The following PISD variants were observed in gnomAD, a reference collection of about 807,000 sequenced individuals.
PISD encodes the protein phosphatidylserine decarboxylase proenzyme, mitochondrial.
A neutral mutation model predicts 43.5 loss-of-function variants in PISD; 31 were observed. The ratio of observed to expected loss-of-function variants is 0.71; its 90% confidence interval spans 0.54 to 0.96. PISD has a LOEUF of 0.96. Among genes scored for constraint, PISD ranks in the 40% least tolerant of loss-of-function variants. The pLI, the probability that PISD is intolerant of heterozygous loss-of-function variation, is 0.00. For missense variants in PISD, 523 were observed against 548.4 expected (o/e 0.95, Z 0.46); for synonymous variants, 259 against 228.7 (o/e 1.13, Z -1.20).
intron 1 of PISD, among the ~76,000 whole-genome samples, chr22:31,661,715 C>G (rs905161362): frequency 6.6e-6 from 1 of 152,148 alleles, no homozygotes; most frequent in African/African-American, 2.4e-5. Context: ...ATTACCTAAC[C>G]TAACCCTCTA....
chr22:31,619,330 T>C lies in PISD; in HGVS notation c.*282A>G, dbSNP rs1050211890. On this transcript the variant is annotated 3_prime_UTR_variant, in exon 8 of 8. Transcript: ENST00000439502. The stretch of plus-strand genomic sequence containing the variant: ...AATGCAGGCTCTTCCGTCTATACAG[T>C]GTTTAAAAAGATCCAAATGTGACTG... 2 of 467,750 alleles carry C rather than the reference T, an allele frequency of 4.3e-6. No individual in the cohort carries two copies. The highest frequency in any genetic ancestry group is 2.0e-5 in the African/African-American group (1 of 50,922). The allele number at this position is 467,750 out of a possible 1,614,324, so 29.0% of individuals were successfully genotyped here.
chr22:31,642,636 T>C (rs888607266), intron 3 of PISD, among the ~76,000 whole-genome samples: 11 of 148,552 alleles, frequency 7.4e-5, no homozygotes, highest in African/African-American at 2.8e-4. Flanking sequence ...CTACTAAAAA[T>C]ACAAAAATTA....
chr22:31,622,341 T>C (rs2072631650), intron 3 of PISD, among the ~76,000 whole-genome samples: 1 of 152,192 alleles, frequency 6.6e-6, no homozygotes, highest in Admixed American at 6.5e-5. Flanking sequence ...CCCAAGTGCA[T>C]GGAACAAGTC....
chr22:31,621,924 GC>G, intron 3 of PISD, 39 bp from the exon 4 acceptor site: 1 of 1,475,644 alleles, frequency 6.8e-7, no homozygotes. Context: ...TGACCACACT[GC>G]CCCAGCTCCA....
rs1719520036 is a variant in PISD at position 31,618,572 on chromosome 22, A to G, written c.*1040T>C. ...CAGAAGTCTCCCACTTTTCATACAAAAATACTGTGCTACTGATACAGTTGA... is the reference window on the plus strand; with the variant it reads ...CAGAAGTCTCCCACTTTTCATACAAGAATACTGTGCTACTGATACAGTTGA... On this transcript the variant is annotated 3_prime_UTR_variant, in exon 8 of 8. Transcript: ENST00000439502. 2 of 740,738 alleles carry G rather than the reference A, an allele frequency of 2.7e-6. No individual in the cohort carries two copies. Among genetic ancestry groups the G allele is most frequent in the Non-Finnish European group, 4.0e-6 (2 of 499,976 alleles). The allele number at this position is 740,738 out of a possible 1,614,324, so 45.9% of individuals were successfully genotyped here.
intron 3 of PISD, among the ~76,000 whole-genome samples, chr22:31,634,710 C>T (rs769368857): frequency 2.0e-5 from 3 of 150,656 alleles, no homozygotes; most frequent in South Asian, 4.2e-4. Flanking sequence ...TGGTGGTGCA[C>T]GCCTGTAATC....
At chr22:31,645,911 T>C (rs1034312108) in intron 3 of PISD, among the ~76,000 whole-genome samples, 8 of 150,694 alleles carry the variant, frequency 5.3e-5, no homozygotes, top group African/African-American at 1.7e-4. Context: ...TAAATAAATT[T>C]TGTGTTCAGA....
At chr22:31,628,398 G>A (rs1390606229) in intron 3 of PISD, among the ~76,000 whole-genome samples, 3 of 152,242 alleles carry the variant, frequency 2.0e-5, no homozygotes, top group African/African-American at 4.8e-5. Context: ...GTGACACGAG[G>A]TGGGAGCCTC....
chr22:31,653,239 T>C (rs538638313), intron 1 of PISD, among the ~76,000 whole-genome samples: 2 of 152,122 alleles, frequency 1.3e-5, no homozygotes, highest in Non-Finnish European at 2.9e-5. Flanking sequence ...CTGAACAATG[T>C]TCATTTCTTA....
intron 3 of PISD, chr22:31,623,791 T>C (rs1312112134): frequency 6.2e-7 from 1 of 1,614,100 alleles, no homozygotes; most frequent in Non-Finnish European, 8.5e-7. Flanking sequence ...AGAGCGGGTC[T>C]GGACATGCAG....
Position 31,621,653 on chromosome 22 carries a change from C to A in PISD, c.554G>T (p.Ser185Ile). 6.2e-7 allele frequency: 1 copy of A among 1,612,674 alleles called. No homozygotes were observed. Among genetic ancestry groups the A allele is most frequent in the Non-Finnish European group, 8.5e-7 (1 of 1,179,040 alleles). ...GAGGAAAGGGTCAGGCCTCACCACG[C>A]TGTGCAGGCCACAGACAGGCCGGGC... ...PQARPVCGLHSVISPSDGRIL... is the reference protein window; with the variant it reads ...PQARPVCGLHIVISPSDGRIL... Residue 185 changes from serine (S) to isoleucine (I), a missense_variant, in exon 4 of 8, where the codon AGC becomes ATC. Coordinates refer to ENST00000439502, the MANE Select transcript of PISD (RefSeq NM_001326411.2).
At chr22:31,644,385 G>A (rs9621301) in intron 3 of PISD, among the ~76,000 whole-genome samples, 3,938 of 151,346 alleles carry the variant, frequency 0.026, 152 homozygotes, top group African/African-American at 0.089. Context: ...GATTACAGGC[G>A]CCCGCCACCA....
chr22:31,619,743 T>TA lies in PISD; in HGVS notation c.1098dup (p.Lys367Ter). 2 of 1,614,164 alleles carry TA rather than the reference T, an allele frequency of 1.2e-6. No homozygotes were observed. The highest frequency in any genetic ancestry group is 1.7e-6 in the Non-Finnish European group (2 of 1,179,988). The stretch of plus-strand genomic sequence containing the variant: ...TTGAACTCGCCCAGGTGCTCGCCCT[T>TA]ACGCATGGGGACGCCCTCTCTATTG... On this transcript the variant is annotated frameshift_variant, in exon 8 of 8. Transcript: ENST00000439502. LOFTEE classifies it high-confidence loss of function.
rs1484243528 is a variant in PISD at position 31,656,685 on chromosome 22, C to CAAAA, written c.65+5455_65+5458dup. Among the ~76,000 whole-genome samples, 53 of 130,002 alleles carry CAAAA rather than the reference C, an allele frequency of 4.1e-4. No homozygotes were observed. The East Asian group carries it at 0.01, about 26-fold the overall frequency. 85.3% of individuals were successfully genotyped at this position (130,002 alleles called of 152,430 possible). ...ATAAATAAATAAATAAATAAATAAA[C>CAAAA]AAAACAGAAAGACAAGATCCCACAT... On this transcript the variant is annotated intron_variant, in intron 1 of 7. Transcript: ENST00000439502.
chr22:31,656,177 T>C (rs1290333003), intron 1 of PISD, among the ~76,000 whole-genome samples: 1 of 151,958 alleles, frequency 6.6e-6, no homozygotes, highest in Non-Finnish European at 1.5e-5. Flanking sequence ...ACCCCGTCTC[T>C]ACTAAAAATA....
intron 3 of PISD, chr22:31,623,723 G>A (rs1160823410): frequency 6.2e-7 from 1 of 1,614,156 alleles, no homozygotes; most frequent in South Asian, 1.1e-5. Flanking sequence ...TGAGCGGTCT[G>A]AGGGCGCCGA....
chr22:31,636,751 C>T (rs943920367), intron 3 of PISD, among the ~76,000 whole-genome samples: 2 of 151,774 alleles, frequency 1.3e-5, no homozygotes, highest in Admixed American at 6.6e-5. Flanking sequence ...AACGTGTTAG[C>T]CAGGATGGTC....
intron 3 of PISD, among the ~76,000 whole-genome samples, chr22:31,625,337 G>C (rs567107759): frequency 1.3e-5 from 2 of 152,216 alleles, no homozygotes; most frequent in Non-Finnish European, 2.9e-5. Flanking sequence ...GCTCCCCTCT[G>C]GCTTTGCCAC....
At chr22:31,626,674 C>T (rs2072927596) in intron 3 of PISD, among the ~76,000 whole-genome samples, 1 of 152,232 alleles carries the variant, frequency 6.6e-6, no homozygotes, top group African/African-American at 2.4e-5. Context: ...ATCGTTGCTT[C>T]AGAAAAGCAC....
Sources: allele counts gnomAD v4.1 joint callset (sites outside exome capture counted in the v4.1 genomes callset), GRCh38; gene constraint gnomAD v4.1.1; transcripts MANE v1.5; gene names NCBI Gene and HGNC (gene_info 2026-07-23, HGNC 2026-07-21).